Variants in NAALADL2 observed in about 807,000 individuals in gnomAD.
The protein encoded by NAALADL2 is N-acetylated alpha-linked acidic dipeptidase like 2.
Under a neutral mutation model 87.2 loss-of-function variants are expected in NAALADL2, and 76 were observed. That is an observed-to-expected ratio of 0.87 (90% CI 0.72 to 1.05). The LOEUF is 1.05. Ranked by LOEUF, NAALADL2 falls within the 50% of genes least tolerant of loss-of-function variation. The probability of loss-of-function intolerance (pLI) is 0.00; values close to 1 mark genes in which losing one functional copy is unlikely to be tolerated. For synonymous variants in NAALADL2, 354 were observed against 331.0 expected (o/e 1.07, Z -0.75); for missense variants, 1,089 against 945.8 (o/e 1.15, Z -1.99).
chr3:175,000,972 A>G (rs374716485), intron 1 of NAALADL2, among the ~76,000 whole-genome samples: 3 of 152,314 alleles, frequency 2.0e-5, no homozygotes, highest in East Asian at 3.9e-4. Context: ...CCTTTAAAAC[A>G]CTGCGGCATG....
At chr3:175,690,553 T>G (rs976474996) in intron 11 of NAALADL2, among the ~76,000 whole-genome samples, 15 of 152,086 alleles carry the variant, frequency 9.9e-5, no homozygotes, top group African/African-American at 3.6e-4. Flanking sequence ...GAGACAGGAT[T>G]CAATATTCCT....
At chr3:174,914,611 C>T (rs1335886716) in intron 1 of NAALADL2, among the ~76,000 whole-genome samples, 1 of 152,104 alleles carries the variant, frequency 6.6e-6, no homozygotes, top group Non-Finnish European at 1.5e-5. Context: ...CATAATCTAT[C>T]AGTTAGAACA....
intron 1 of NAALADL2, among the ~76,000 whole-genome samples, chr3:174,869,988 A>G (rs1214009881): frequency 6.8e-6 from 1 of 148,032 alleles, no homozygotes; most frequent in Non-Finnish European, 1.5e-5. Flanking sequence ...AAGAGCGACA[A>G]AACTCCGTCC....
chr3:175,138,364 G>A (rs1293308534), intron 2 of NAALADL2, among the ~76,000 whole-genome samples: 1 of 152,034 alleles, frequency 6.6e-6, no homozygotes, highest in Non-Finnish European at 1.5e-5. Flanking sequence ...AAACTCCTGG[G>A]GGCAGGTATG....
intron 2 of NAALADL2, among the ~76,000 whole-genome samples, chr3:174,571,492 G>A (rs1274755137): frequency 1.3e-5 from 2 of 152,018 alleles, no homozygotes; most frequent in Non-Finnish European, 2.9e-5. Context: ...AGATTTTCCT[G>A]CCTCAGCCTC....
chr3:174,783,088 T>G (rs1719814), intron 3 of NAALADL2, among the ~76,000 whole-genome samples: 82,807 of 152,028 alleles, frequency 0.54, 22,868 homozygotes, highest in Middle Eastern at 0.67. Flanking sequence ...CATACAGATG[T>G]TAAAAAGCTT....
chr3:175,472,194 G>A (rs949371975), intron 9 of NAALADL2, among the ~76,000 whole-genome samples: 1 of 151,152 alleles, frequency 6.6e-6, no homozygotes, highest in African/African-American at 2.4e-5. Context: ...CAAGAATATA[G>A]TGATAACTAA....
chr3:175,129,003 A>G (rs1333191842), intron 2 of NAALADL2, among the ~76,000 whole-genome samples: 1 of 152,074 alleles, frequency 6.6e-6, no homozygotes, highest in East Asian at 1.9e-4. Flanking sequence ...CAGTGGCAGA[A>G]TGTTGTCTCA....
intron 2 of NAALADL2, among the ~76,000 whole-genome samples, chr3:174,559,178 C>T (rs980158502): frequency 2.0e-5 from 3 of 151,998 alleles, no homozygotes; most frequent in African/African-American, 7.3e-5. Context: ...AAACTTAATC[C>T]CAAAGAGGAA....
chr3:175,155,331 C>T (rs999638189), intron 2 of NAALADL2, among the ~76,000 whole-genome samples: 1 of 152,044 alleles, frequency 6.6e-6, no homozygotes, highest in Non-Finnish European at 1.5e-5. Context: ...AGCAGTTGCC[C>T]CTTTGACACA....
intron 5 of NAALADL2, among the ~76,000 whole-genome samples, chr3:175,356,977 C>T (rs966994624): frequency 6.6e-6 from 1 of 152,052 alleles, no homozygotes; most frequent in African/African-American, 2.4e-5. Flanking sequence ...AGCTCAGTTC[C>T]TTCTTGTTTA....
chr3:175,577,546 C>T (rs796181915), intron 10 of NAALADL2, among the ~76,000 whole-genome samples: 16 of 152,210 alleles, frequency 1.1e-4, no homozygotes, highest in African/African-American at 3.6e-4. Flanking sequence ...CAGTGAAATT[C>T]TAAGAAGAAC....
chr3:174,947,234 T>C (rs1389940834), intron 1 of NAALADL2, among the ~76,000 whole-genome samples: 1 of 152,198 alleles, frequency 6.6e-6, no homozygotes, highest in African/African-American at 2.4e-5. Flanking sequence ...CAGCATTGTC[T>C]TCTTTCAAAT....
chr3:175,604,301 T>A (rs1308930376), intron 10 of NAALADL2, among the ~76,000 whole-genome samples: 1 of 114,174 alleles, frequency 8.8e-6, no homozygotes, highest in Non-Finnish European at 1.7e-5. Flanking sequence ...CATTGAAATT[T>A]TTTTTTTTTT....
intron 1 of NAALADL2, among the ~76,000 whole-genome samples, chr3:175,053,819 AT>A (rs1210664354): frequency 6.6e-6 from 1 of 152,218 alleles, no homozygotes; most frequent in Non-Finnish European, 1.5e-5. Flanking sequence ...TTTCCAGGTA[AT>A]GCTGTATCTG....
chr3:174,994,852 T>C (rs1252840451), intron 1 of NAALADL2, among the ~76,000 whole-genome samples: 1 of 152,224 alleles, frequency 6.6e-6, no homozygotes, highest in Non-Finnish European at 1.5e-5. Context: ...TTACAACATA[T>C]TTCTTTTATT....
chr3:175,373,000 T>C (rs1319733243), intron 5 of NAALADL2, among the ~76,000 whole-genome samples: 2 of 152,240 alleles, frequency 1.3e-5, no homozygotes, highest in East Asian at 3.8e-4. Flanking sequence ...TCCTGATCTG[T>C]ACTTAGTGTG....
At chr3:175,446,958 T>C (rs973184693) in intron 5 of NAALADL2, among the ~76,000 whole-genome samples, 10 of 152,176 alleles carry the variant, frequency 6.6e-5, no homozygotes, top group Admixed American at 6.5e-4. Context: ...TTGTCATCAT[T>C]TTAGTGGAGT....
intron 2 of NAALADL2, among the ~76,000 whole-genome samples, chr3:175,195,305 A>C (rs879467262): frequency 6.6e-6 from 1 of 151,676 alleles, no homozygotes; most frequent in Admixed American, 6.6e-5. Context: ...CAACACTTAC[A>C]CTCTAGTGGA....
Sources: allele counts gnomAD v4.1 joint callset (sites outside exome capture counted in the v4.1 genomes callset), GRCh38; gene constraint gnomAD v4.1.1; transcripts MANE v1.5; gene names NCBI Gene and HGNC (gene_info 2026-07-23, HGNC 2026-07-21).